The following TM9SF4 variants were observed in gnomAD, a reference collection of about 807,000 sequenced individuals.
The protein encoded by TM9SF4 is dinucleotide oxidase disulfide thiol exchanger 3 superfamily member 4.
In TM9SF4, 26 loss-of-function variants were observed where a neutral mutation model predicts 90.4. That is an observed-to-expected ratio of 0.29 (90% CI 0.21 to 0.40). The LOEUF is 0.40. Among genes scored for constraint, TM9SF4 ranks in the 10% least tolerant of loss-of-function variants. The pLI, the probability that TM9SF4 is intolerant of heterozygous loss-of-function variation, is 1.00. For synonymous variants in TM9SF4, 293 were observed against 315.4 expected (o/e 0.93, Z 0.75); for missense variants, 549 against 834.8 (o/e 0.66, Z 4.22).
chr20:32,136,298 T>C (rs1328303497), intron 3 of TM9SF4, 125 bp downstream of exon 3: 4 of 886,920 alleles, frequency 4.5e-6, no homozygotes, highest in Non-Finnish European at 7.0e-6. Flanking sequence ...TGCATACCTG[T>C]TAGCTTATTT....
intron 13 of TM9SF4, among the ~76,000 whole-genome samples, chr20:32,157,532 C>T (rs1467108791): frequency 6.6e-6 from 1 of 152,228 alleles, no homozygotes; most frequent in Non-Finnish European, 1.5e-5. Context: ...CAGTCCACTC[C>T]TTCCTGTTCC....
intron 1 of TM9SF4, among the ~76,000 whole-genome samples, chr20:32,132,522 G>C (rs73906745): frequency 0.015 from 2,267 of 152,322 alleles, 51 homozygotes; most frequent in African/African-American, 0.05. Flanking sequence ...AAGGAGGCCC[G>C]TGTGGCTGAG....
intron 3 of TM9SF4, among the ~76,000 whole-genome samples, chr20:32,141,216 CAAAA>C (rs71185383): frequency 2.3e-4 from 6 of 26,012 alleles, no homozygotes; most frequent in African/African-American, 4.7e-4. Context: ...GACTCCATCT[CAAAA>C]AAAAAAAAAA....
rs1445903502 is a variant in TM9SF4 at position 32,145,540 on chromosome 20, CAG to C, written c.883+119_883+120del. Reference sequence around the variant, plus strand: ...CTGAGGGTCAGGCGTAGGTCAAAAACAGACATCAGGGCTCTGCTAAGCATCAG... The same window carrying C: ...CTGAGGGTCAGGCGTAGGTCAAAAACACATCAGGGCTCTGCTAAGCATCAG... On this transcript the variant is annotated intron_variant, in intron 8 of 17. Coordinates refer to ENST00000398022, the MANE Select transcript of TM9SF4 (RefSeq NM_014742.4). 2.1e-5 allele frequency: 17 copies of C among 816,736 alleles called. 1 individual carries two copies. In the East Asian group the frequency reaches 3.4e-4, roughly 16 times the overall value. The allele number at this position is 816,736 out of a possible 1,614,324, so 50.6% of individuals were successfully genotyped here.
At chr20:32,125,124 T>C (rs528591077) in intron 1 of TM9SF4, among the ~76,000 whole-genome samples, 1 of 152,250 alleles carries the variant, frequency 6.6e-6, no homozygotes, top group East Asian at 1.9e-4. Context: ...GACGGTTGCA[T>C]AGCTTTCCTG....
intron 1 of TM9SF4, among the ~76,000 whole-genome samples, chr20:32,123,967 A>C (rs938761382): frequency 4.6e-5 from 7 of 151,058 alleles, no homozygotes; most frequent in Non-Finnish European, 8.8e-5. Flanking sequence ...AACTCAAGTG[A>C]TCCTCCTGCC....
At chr20:32,147,341 A>G (rs1200167033) in intron 9 of TM9SF4, among the ~76,000 whole-genome samples, 4 of 152,224 alleles carry the variant, frequency 2.6e-5, no homozygotes, top group Admixed American at 2.6e-4. Context: ...TTATTCACCC[A>G]AAGTGATAGG....
chr20:32,133,276 C>G, intron 2 of TM9SF4, 150 bp downstream of exon 2: 1 of 630,332 alleles, frequency 1.6e-6, no homozygotes, highest in Admixed American at 2.9e-5. Context: ...CCCTGTGCCT[C>G]TGGTTCTCGG....
At chr20:32,112,353 T>TCACTG (rs959117734) in intron 1 of TM9SF4, among the ~76,000 whole-genome samples, 15 of 152,134 alleles carry the variant, frequency 9.9e-5, no homozygotes, top group African/African-American at 3.4e-4. Context: ...TGAGCCCTGA[T>TCACTG]CACTGCACTG....
chr20:32,131,685 T>A (rs1600803186), intron 1 of TM9SF4, among the ~76,000 whole-genome samples: 2 of 152,234 alleles, frequency 1.3e-5, no homozygotes, highest in South Asian at 4.1e-4. Flanking sequence ...TGACTTGAGT[T>A]GGTGATTTAG....
intron 1 of TM9SF4, among the ~76,000 whole-genome samples, chr20:32,113,737 G>A (rs1021848442): frequency 6.6e-6 from 1 of 152,102 alleles, no homozygotes; most frequent in Non-Finnish European, 1.5e-5. Context: ...TTTATAGGTT[G>A]TGCATACACT....
chr20:32,142,410 A>G (rs555938661), intron 5 of TM9SF4, among the ~76,000 whole-genome samples: 1 of 152,326 alleles, frequency 6.6e-6, no homozygotes, highest in South Asian at 2.1e-4. Flanking sequence ...ACTGAAAGAT[A>G]TTAGTTAGGG....
chr20:32,117,881 C>T (rs1472467109), intron 1 of TM9SF4, among the ~76,000 whole-genome samples: 1 of 152,084 alleles, frequency 6.6e-6, no homozygotes, highest in Non-Finnish European at 1.5e-5. Context: ...TCTCTTAGGA[C>T]TCTTTGCATG....
Position 32,141,888 on chromosome 20 carries a change from T to C in TM9SF4, c.521T>C (p.Val174Ala). The C allele has an allele frequency of 3.1e-6, 5 of 1,613,780 alleles. No homozygotes were observed. Among genetic ancestry groups the C allele is most frequent in the Non-Finnish European group, 4.2e-6 (5 of 1,179,922 alleles). ...GGCTACCGGCTCGGCTTCACAGATG[T>C]CAACAAGGTAGAGTGTCTTTGGCGT... ...EHGYRLGFTD[V>A]NKIYLHNHLS... The change falls in exon 5 of 18, where the codon GTC (valine) becomes GCC (alanine). Residue 174 changes from valine to alanine, a missense_variant. Physicochemically the swap from Val to Ala is moderately conservative, Grantham distance 64 (BLOSUM62 0). This residue lies in a region of TM9SF4 where 495 missense variants were observed against 711.7 expected (regional missense o/e 0.70). Transcript: ENST00000398022.
chr20:32,113,501 A>G (rs2046177074), intron 1 of TM9SF4, among the ~76,000 whole-genome samples: 1 of 152,166 alleles, frequency 6.6e-6, no homozygotes, highest in African/African-American at 2.4e-5. Flanking sequence ...CTTTATGGAA[A>G]ACGGTTCTTG....
intron 15 of TM9SF4, chr20:32,159,740 ATTAT>A (rs1555886376): frequency 5.8e-6 from 1 of 173,714 alleles, no homozygotes; most frequent in Admixed American, 9.9e-5. Context: ...GATAAGAATC[ATTAT>A]TTTCTACAAG....
At chr20:32,109,924 CT>C in intron 1 of TM9SF4, 169 bp downstream of exon 1, 3 of 1,459,638 alleles carry the variant, frequency 2.1e-6, no homozygotes, top group Non-Finnish European at 2.7e-6. Flanking sequence ...CTCCCTGGCC[CT>C]GCCCCTGCAC....
At chr20:32,119,238 C>T (rs1256419564) in intron 1 of TM9SF4, among the ~76,000 whole-genome samples, 4 of 151,842 alleles carry the variant, frequency 2.6e-5, no homozygotes, top group Non-Finnish European at 4.4e-5. Flanking sequence ...GCAGGTGGAT[C>T]GCTTGAGCCC....
At chr20:32,148,531 A>G (rs989164207) in intron 9 of TM9SF4, among the ~76,000 whole-genome samples, 1 of 152,160 alleles carries the variant, frequency 6.6e-6, no homozygotes, top group African/African-American at 2.4e-5. Flanking sequence ...CAGCCAGGGC[A>G]GCATAGGGAG....
Sources: allele counts gnomAD v4.1 joint callset (sites outside exome capture counted in the v4.1 genomes callset), GRCh38; gene constraint gnomAD v4.1.1; regional missense constraint gnomAD v4.1.1; transcripts MANE v1.5; gene names NCBI Gene and HGNC (gene_info 2026-07-23, HGNC 2026-07-21).